Variants in CIRSR observed in about 807,000 individuals in gnomAD.
CIRSR encodes corepressor of RBPJ and splicing regulator.
the CIRSR span, among the ~76,000 whole-genome samples, chr2:174,394,490 TACA>T: frequency 6.6e-6 from 1 of 152,210 alleles, no homozygotes; most frequent in Non-Finnish European, 1.5e-5. Context: ...CTAGTTCTGG[TACA>T]ACATTTAACT....
the CIRSR span, chr2:174,381,696 A>AT: frequency 6.4e-7 from 1 of 1,573,014 alleles, no homozygotes; most frequent in Non-Finnish European, 8.6e-7. Flanking sequence ...ACGGAAGAAG[A>AT]TAAGTACCTT....
the CIRSR span, among the ~76,000 whole-genome samples, chr2:174,395,163 A>C: frequency 1.1e-4 from 17 of 152,316 alleles, no homozygotes; most frequent in African/African-American, 4.1e-4. Context: ...TTTTTTAAAG[A>C]TCTATCTTAA....
the CIRSR span, chr2:174,351,961 G>A: frequency 2.9e-6 from 1 of 341,120 alleles, no homozygotes; most frequent in Non-Finnish European, 5.3e-6. Context: ...ATGTAACTTT[G>A]TCATATTGAA....
the CIRSR span, chr2:174,381,571 C>A: frequency 1.6e-6 from 1 of 615,840 alleles, no homozygotes; most frequent in Non-Finnish European, 2.8e-6. Context: ...GAGAATTGCT[C>A]CAACTCAGGA....
the CIRSR span, among the ~76,000 whole-genome samples, chr2:174,376,809 A>G: frequency 6.7e-6 from 1 of 149,908 alleles, no homozygotes; most frequent in Non-Finnish European, 1.5e-5. Context: ...GGGAAAAAAA[A>G]AAAAAAAAAA....
At chr2:174,364,467 G>T in the CIRSR span, among the ~76,000 whole-genome samples, 1 of 152,304 alleles carries the variant, frequency 6.6e-6, no homozygotes, top group East Asian at 1.9e-4. Flanking sequence ...ACTAAGCAGT[G>T]CCCCAGTACT....
chr2:174,356,169 A>G, the CIRSR span, among the ~76,000 whole-genome samples: 4 of 152,106 alleles, frequency 2.6e-5, no homozygotes, highest in Admixed American at 2.6e-4. Flanking sequence ...AGGCTGAATT[A>G]GAAATGCCTT....
At chr2:174,348,546 T>C in the CIRSR span, 1 of 1,614,042 alleles carries the variant, frequency 6.2e-7, no homozygotes, top group Non-Finnish European at 8.5e-7. Flanking sequence ...GTGCTCTCTG[T>C]ACATTTTTTC....
At chr2:174,355,885 A>G in the CIRSR span, among the ~76,000 whole-genome samples, 3 of 152,206 alleles carry the variant, frequency 2.0e-5, no homozygotes, top group African/African-American at 7.2e-5. Flanking sequence ...CAAATGGCAT[A>G]GGAGGGAGAC....
At chr2:174,377,888 A>G in the CIRSR span, among the ~76,000 whole-genome samples, 2 of 151,442 alleles carry the variant, frequency 1.3e-5, no homozygotes, top group Non-Finnish European at 2.9e-5. Flanking sequence ...TAATAGGAGA[A>G]CTGGCACTTT....
At chr2:174,362,336 A>AACAAAT in the CIRSR span, among the ~76,000 whole-genome samples, 1 of 148,970 alleles carries the variant, frequency 6.7e-6, no homozygotes, top group Non-Finnish European at 1.5e-5. Flanking sequence ...CAAAAACAAA[A>AACAAAT]AATTATGGCA....
At chr2:174,357,079 C>G in the CIRSR span, among the ~76,000 whole-genome samples, 1 of 152,132 alleles carries the variant, frequency 6.6e-6, no homozygotes, top group African/African-American at 2.4e-5. Flanking sequence ...GATTAGGATA[C>G]AAACAAGGTC....
the CIRSR span, among the ~76,000 whole-genome samples, chr2:174,381,185 T>C: frequency 6.6e-6 from 1 of 152,214 alleles, no homozygotes; most frequent in Admixed American, 6.5e-5. Flanking sequence ...AAAGGGCACA[T>C]TATGAAATAT....
At chr2:174,359,372 CAG>C in the CIRSR span, among the ~76,000 whole-genome samples, 1 of 149,462 alleles carries the variant, frequency 6.7e-6, no homozygotes, top group Non-Finnish European at 1.5e-5. Context: ...AATCCATAAA[CAG>C]TGATTACTGA....
chr2:174,365,790 G>A, the CIRSR span, among the ~76,000 whole-genome samples: 3 of 152,118 alleles, frequency 2.0e-5, no homozygotes, highest in Non-Finnish European at 2.9e-5. Context: ...CAACACGTGG[G>A]GATTTAAGAT....
At chr2:174,362,236 G>A in the CIRSR span, among the ~76,000 whole-genome samples, 1 of 152,080 alleles carries the variant, frequency 6.6e-6, no homozygotes, top group Non-Finnish European at 1.5e-5. Context: ...AGCCCAGGAG[G>A]TCGAGGCTGC....
At chr2:174,349,070 GGAA>G in the CIRSR span, 1 of 1,577,810 alleles carries the variant, frequency 6.3e-7, no homozygotes. Flanking sequence ...AGGAAGATGA[GGAA>G]GAAGAGGACT....
At chr2:174,393,612 A>G in the CIRSR span, among the ~76,000 whole-genome samples, 12 of 151,814 alleles carry the variant, frequency 7.9e-5, no homozygotes, top group Non-Finnish European at 1.6e-4. Flanking sequence ...ATGAGCCACC[A>G]TACCTGGCCC....
At chr2:174,369,107 T>C in the CIRSR span, among the ~76,000 whole-genome samples, 8,101 of 152,336 alleles carry the variant, frequency 0.053, 689 homozygotes, top group African/African-American at 0.18. Flanking sequence ...GGCTGTTTCA[T>C]CTACATTGAA....
Sources: gnomAD v4.1 joint callset for allele counts (sites outside exome capture counted in the v4.1 genomes callset) on GRCh38, gnomAD v4.1.1 for gene constraint, MANE v1.5 for transcripts, NCBI Gene and HGNC (gene_info 2026-07-23, HGNC 2026-07-21) for gene names.